Variants in RAB7A observed in about 807,000 individuals in gnomAD.
RAB7A encodes the protein RAB7A, member RAS oncogene family.
A neutral mutation model predicts 24.5 loss-of-function variants in RAB7A; 2 were observed. That is an observed-to-expected ratio of 0.08 (90% CI 0.03 to 0.26). The LOEUF (loss-of-function observed/expected upper bound fraction) is 0.26, where lower values mean the gene tolerates loss of function less well. Ranked by LOEUF, RAB7A falls within the 10% of genes least tolerant of loss-of-function variation. RAB7A has a pLI of 1.00. For synonymous variants in RAB7A, 100 were observed against 95.9 expected (o/e 1.04, Z -0.25); for missense variants, 118 against 255.7 (o/e 0.46, Z 3.67).
At chr3:128,734,206 G>T (rs935437249) in intron 1 of RAB7A, among the ~76,000 whole-genome samples, 2 of 152,062 alleles carry the variant, frequency 1.3e-5, no homozygotes, top group Non-Finnish European at 2.9e-5. Context: ...GAGGTGGGCG[G>T]ATCACTTGAG....
At chr3:128,771,042 T>G (rs762126827) in intron 1 of RAB7A, among the ~76,000 whole-genome samples, 1 of 151,734 alleles carries the variant, frequency 6.6e-6, no homozygotes, top group Admixed American at 6.6e-5. Context: ...CAATCTCAGC[T>G]CACTGTAACC....
At chr3:128,801,408 C>A (rs1933695549) in intron 3 of RAB7A, among the ~76,000 whole-genome samples, 1 of 2,458 alleles carries the variant, frequency 4.1e-4, no homozygotes, top group South Asian at 0.014. Flanking sequence ...ATGGGGGGAA[C>A]CTTTTGATGA....
chr3:128,780,406 T>C (rs1933193441), intron 1 of RAB7A, among the ~76,000 whole-genome samples: 1 of 151,826 alleles, frequency 6.6e-6, no homozygotes, highest in African/African-American at 2.4e-5. Flanking sequence ...CAGGAAGGAG[T>C]TGTGAAGTAG....
At position 128,806,575 on chromosome 3, in the gene RAB7A, C is replaced by T; in HGVS notation, c.384C>T (p.Asp128=). The T allele has an allele frequency of 6.2e-7, 1 of 1,613,828 alleles. No individual in the cohort carries two copies. Among genetic ancestry groups the T allele is most frequent in the Non-Finnish European group, 8.5e-7 (1 of 1,179,726 alleles). Residue 128 remains aspartate, a synonymous_variant, in exon 4 of 6, where the codon GAC becomes GAT. Transcript: ENST00000265062. ...TTGTTGTGTTGGGAAACAAGATTGA[C>T]CTCGAAAACAGACAAGTAAGTACCA... is the stretch of plus-strand genomic sequence containing the variant. ...FPFVVLGNKI[D]LENRQVATKR... is the part of the protein sequence containing the mutation.
chr3:128,776,958 ACAC>A (rs1304935160), intron 1 of RAB7A, among the ~76,000 whole-genome samples: 7 of 150,910 alleles, frequency 4.6e-5, no homozygotes, highest in Admixed American at 1.3e-4. Context: ...ACACACACAC[ACAC>A]ACACACACAC....
intron 2 of RAB7A, among the ~76,000 whole-genome samples, chr3:128,795,751 C>CTTTTTGTTTTTTTTTTTTTTTTTTTTT (rs1933555486): frequency 2.3e-5 from 1 of 43,032 alleles, no homozygotes; most frequent in South Asian, 2.1e-3. Flanking sequence ...AGCAGATGTG[C>CTTTTTGTTTTTTTTTTTTTTTTTTTTT]TTTTTTTTTT....
Position 128,763,206 on chromosome 3 carries a change from A to ATTT in RAB7A, c.-8-32153_-8-32152insTTT, listed in dbSNP as rs1309622411. Among the ~76,000 whole-genome samples the ATTT allele has an allele frequency of 1.8e-3, 176 of 100,418 alleles. 2 individuals carry two copies. Among genetic ancestry groups the ATTT allele is most frequent in the South Asian group, 5.5e-3 (16 of 2,894 alleles). 65.9% of individuals were successfully genotyped at this position (100,418 alleles called of 152,430 possible). A position where few individuals can be genotyped will look rare whatever the true frequency, so the allele number is the denominator to read the frequency against. On this transcript the variant is annotated intron_variant, in intron 1 of 5. Coordinates refer to ENST00000265062, the MANE Select transcript of RAB7A (RefSeq NM_004637.6). ...ATTTAGCTTATATATATATATATATATATTTTTTTTTTTTTTTTTTTTTTT... is the reference window on the plus strand; with the variant it reads ...ATTTAGCTTATATATATATATATATATTTTATTTTTTTTTTTTTTTTTTTTTTT...
At chr3:128,790,981 T>C (rs748623605) in intron 1 of RAB7A, among the ~76,000 whole-genome samples, 24 of 152,186 alleles carry the variant, frequency 1.6e-4, no homozygotes, top group Non-Finnish European at 2.9e-4. Context: ...ACATTAAGGC[T>C]CCCATAGACT....
intron 1 of RAB7A, chr3:128,749,327 CT>C (rs2107590369): frequency 1.3e-5 from 2 of 152,250 alleles, no homozygotes; most frequent in Non-Finnish European, 2.9e-5. Flanking sequence ...CTTCATTATA[CT>C]GAATATATAT....
chr3:128,762,882 A>G (rs536182259), intron 1 of RAB7A, among the ~76,000 whole-genome samples: 2 of 152,276 alleles, frequency 1.3e-5, no homozygotes, highest in East Asian at 3.9e-4. Flanking sequence ...TCTCCTACCT[A>G]CTTTCAACAG....
intron 1 of RAB7A, among the ~76,000 whole-genome samples, chr3:128,768,724 A>AT (rs2070855842): frequency 6.3e-5 from 9 of 143,424 alleles, no homozygotes; most frequent in African/African-American, 2.1e-4. Context: ...ACACCTGGCT[A>AT]ATTTTTTTTT....
intron 1 of RAB7A, among the ~76,000 whole-genome samples, chr3:128,764,117 A>G (rs891371116): frequency 3.3e-5 from 5 of 152,078 alleles, no homozygotes; most frequent in African/African-American, 7.2e-5. Flanking sequence ...TCCCACAGAG[A>G]TGGCAGCCTT....
chr3:128,779,572 T>TTG (rs1038369469), intron 1 of RAB7A, among the ~76,000 whole-genome samples: 34 of 143,266 alleles, frequency 2.4e-4, no homozygotes, highest in African/African-American at 5.7e-4. Flanking sequence ...AGAGAAAGAG[T>TTG]TGTGTGTGTG....
chr3:128,750,231 AG>A (rs1488078911), intron 1 of RAB7A, among the ~76,000 whole-genome samples: 2 of 152,158 alleles, frequency 1.3e-5, no homozygotes, highest in African/African-American at 4.8e-5. Context: ...TTAACTTGAG[AG>A]AGATGATTTA....
intron 5 of RAB7A, among the ~76,000 whole-genome samples, chr3:128,811,179 C>T (rs1434558726): frequency 1.3e-5 from 2 of 151,534 alleles, no homozygotes; most frequent in South Asian, 2.1e-4. Context: ...CAGGCTGATA[C>T]GCAGTGGTGC....
At chr3:128,745,063 A>G (rs2070597413) in intron 1 of RAB7A, among the ~76,000 whole-genome samples, 1 of 151,644 alleles carries the variant, frequency 6.6e-6, no homozygotes, top group Non-Finnish European at 1.5e-5. Flanking sequence ...TTTAGTAGAG[A>G]CAGGGTTTCA....
intron 1 of RAB7A, among the ~76,000 whole-genome samples, chr3:128,775,588 C>T (rs1933069926): frequency 6.6e-6 from 1 of 152,164 alleles, no homozygotes; most frequent in Admixed American, 6.5e-5. Flanking sequence ...ATTTACTACA[C>T]TTGTTTTGGA....
chr3:128,813,563 A>C lies in RAB7A; in HGVS notation c.*141A>C. The C allele has an allele frequency of 1.4e-6, 1 of 738,520 alleles. No individual in the cohort carries two copies. Among genetic ancestry groups the C allele is most frequent in the Non-Finnish European group, 2.4e-6 (1 of 417,674 alleles). The allele number at this position is 738,520 out of a possible 1,614,324, so 45.7% of individuals were successfully genotyped here. A position where few individuals can be genotyped will look rare whatever the true frequency, so the allele number is the denominator to read the frequency against. The stretch of plus-strand genomic sequence containing the variant: ...CTGCCAAAAGAAAACCCCATCAAAC[A>C]CAGTTACACCCCACATATCTCTCAC... On this transcript the variant is annotated 3_prime_UTR_variant, in exon 6 of 6. Coordinates refer to ENST00000265062, the MANE Select transcript of RAB7A (RefSeq NM_004637.6).
chr3:128,802,464 G>A (rs980593438), intron 3 of RAB7A, among the ~76,000 whole-genome samples: 2 of 152,148 alleles, frequency 1.3e-5, no homozygotes, highest in African/African-American at 4.8e-5. Flanking sequence ...GGAGAGAAGG[G>A]TGTTGTAGGG....
Sources: allele counts gnomAD v4.1 joint callset (sites outside exome capture counted in the v4.1 genomes callset), GRCh38; gene constraint gnomAD v4.1.1; transcripts MANE v1.5; gene names NCBI Gene and HGNC (gene_info 2026-07-23, HGNC 2026-07-21).